The following NKAIN3 variants were observed in gnomAD, a reference collection of about 807,000 sequenced individuals.
NKAIN3 encodes sodium/potassium transporting ATPase interacting 3.
Under a neutral mutation model 30.2 loss-of-function variants are expected in NKAIN3, and 25 were observed. That is an observed-to-expected ratio of 0.83 (90% CI 0.60 to 1.16). The LOEUF (loss-of-function observed/expected upper bound fraction) is 1.16, where lower values mean the gene tolerates loss of function less well. Ranked by LOEUF, NKAIN3 falls within the 50% of genes most tolerant of loss-of-function variation. The probability of loss-of-function intolerance (pLI) is 0.00; values close to 1 mark genes in which losing one functional copy is unlikely to be tolerated. For synonymous variants in NKAIN3, 91 were observed against 89.6 expected, an observed-to-expected ratio of 1.02 and a Z score of -0.09; for missense variants, 225 against 254.1, an observed-to-expected ratio of 0.89 and a Z score of 0.78.
intron 4 of NKAIN3, among the ~76,000 whole-genome samples, chr8:62,851,984 G>A (rs1819915976): frequency 2.0e-5 from 3 of 152,038 alleles, no homozygotes; most frequent in Admixed American, 2.0e-4. Context: ...ATGAGTTAGG[G>A]AGGATTCCCT....
At chr8:62,871,560 A>G (rs1414215724) in intron 4 of NKAIN3, among the ~76,000 whole-genome samples, 6 of 152,246 alleles carry the variant, frequency 3.9e-5, no homozygotes, top group Admixed American at 3.9e-4. Context: ...CATGCTATAC[A>G]TTAGGTCTCC....
At chr8:62,836,387 G>C (rs937565933) in intron 4 of NKAIN3, among the ~76,000 whole-genome samples, 20 of 151,964 alleles carry the variant, frequency 1.3e-4, no homozygotes, top group Non-Finnish European at 2.8e-4. Context: ...AAATGTTTTA[G>C]TATAACATAC....
intron 6 of NKAIN3, among the ~76,000 whole-genome samples, chr8:62,962,356 A>C (rs1298702775): frequency 1.3e-5 from 2 of 152,234 alleles, no homozygotes; most frequent in African/African-American, 4.8e-5. Flanking sequence ...TATAAGGCAT[A>C]ATTTCAACAA....
intron 4 of NKAIN3, among the ~76,000 whole-genome samples, chr8:62,882,836 C>T (rs1255434119): frequency 6.6e-6 from 1 of 152,048 alleles, no homozygotes; most frequent in Non-Finnish European, 1.5e-5. Context: ...ACCTTTGCTC[C>T]TTTATCAAAG....
intron 3 of NKAIN3, among the ~76,000 whole-genome samples, chr8:62,677,995 A>G (rs146354012): frequency 1.3e-5 from 2 of 152,214 alleles, no homozygotes; most frequent in African/African-American, 4.8e-5. Flanking sequence ...ACCAAGATTC[A>G]AATTCAGTGA....
chr8:62,859,820 G>A (rs938974019), intron 4 of NKAIN3, among the ~76,000 whole-genome samples: 52 of 152,260 alleles, frequency 3.4e-4, no homozygotes, highest in African/African-American at 1.2e-3. Flanking sequence ...AGTGGTCATA[G>A]ATATTGCTTC....
intron 1 of NKAIN3, among the ~76,000 whole-genome samples, chr8:62,548,030 A>G (rs1175678408): frequency 6.6e-6 from 1 of 152,072 alleles, no homozygotes; most frequent in Non-Finnish European, 1.5e-5. Context: ...AAATCTTGTA[A>G]TTCTAGCTGA....
At chr8:62,257,664 T>G (rs946531140) in intron 1 of NKAIN3, among the ~76,000 whole-genome samples, 1 of 152,214 alleles carries the variant, frequency 6.6e-6, no homozygotes, top group Admixed American at 6.5e-5. Flanking sequence ...AGATTTCTAT[T>G]TCATGAACAA....
At position 62,345,502 on chromosome 8, in the gene NKAIN3, T is replaced by TGTATATATAC. The variant is rs1563942779; in HGVS notation, c.54+96375_54+96376insGTATATATAC. Among the ~76,000 whole-genome samples, 27 of 20,692 alleles carry TGTATATATAC rather than the reference T, an allele frequency of 1.3e-3. 3 individuals are homozygous for TGTATATATAC. The highest frequency in any genetic ancestry group is 9.3e-3 in the South Asian group (4 of 432). 13.6% of individuals were successfully genotyped at this position (20,692 alleles called of 152,430 possible). A position where few individuals can be genotyped will look rare whatever the true frequency, so the allele number is the denominator to read the frequency against. ...ATATATGTATATATACACACATATA[T>TGTATATATAC]ACACATATATACACATATATGTATA... On this transcript the variant is annotated intron_variant, in intron 1 of 6. Transcript: ENST00000623646.
chr8:62,874,543 T>C (rs183726738), intron 4 of NKAIN3, among the ~76,000 whole-genome samples: 81 of 152,296 alleles, frequency 5.3e-4, no homozygotes, highest in African/African-American at 1.9e-3. Context: ...ATATCCCTGA[T>C]GAACATCAAT....
At chr8:62,994,088 C>T (rs191168236) in intron 5 of NKAIN3, among the ~76,000 whole-genome samples, 17 of 152,206 alleles carry the variant, frequency 1.1e-4, no homozygotes, top group Admixed American at 9.8e-4. Flanking sequence ...TAAAGATGCA[C>T]GTACCCTTTG....
chr8:62,819,154 T>TATATATAC (rs1554581359), intron 4 of NKAIN3, among the ~76,000 whole-genome samples: 795 of 32,662 alleles, frequency 0.024, 6 homozygotes, highest in African/African-American at 0.057. Context: ...TATATATACA[T>TATATATAC]ATATATATAT....
intron 4 of NKAIN3, among the ~76,000 whole-genome samples, chr8:62,774,984 G>T (rs10113007): frequency 0.088 from 13,370 of 152,082 alleles, 608 homozygotes; most frequent in Middle Eastern, 0.092. Flanking sequence ...ATTGGTATTT[G>T]TTCTTCTTTA....
chr8:62,548,782 A>G (rs952256472), intron 1 of NKAIN3, among the ~76,000 whole-genome samples: 4 of 150,712 alleles, frequency 2.7e-5, no homozygotes, highest in African/African-American at 9.7e-5. Flanking sequence ...ATAATAGTAT[A>G]TATATACAAT....
chr8:62,888,537 T>C (rs1821212957), intron 4 of NKAIN3, among the ~76,000 whole-genome samples: 1 of 152,184 alleles, frequency 6.6e-6, no homozygotes, highest in African/African-American at 2.4e-5. Context: ...ATATCTCCAA[T>C]TTTGGGAGCA....
intron 3 of NKAIN3, among the ~76,000 whole-genome samples, chr8:62,613,699 A>G (rs1811359953): frequency 6.6e-6 from 1 of 151,702 alleles, no homozygotes; most frequent in Non-Finnish European, 1.5e-5. Flanking sequence ...GGCATGTTTT[A>G]TTGTTTTTTA....
At chr8:62,280,876 AT>A (rs58422149) in intron 1 of NKAIN3, among the ~76,000 whole-genome samples, 2,238 of 152,256 alleles carry the variant, frequency 0.015, 47 homozygotes, top group African/African-American at 0.049. Context: ...TATCAGGATG[AT>A]GCTGGCCTCA....
At chr8:62,931,186 A>G (rs917002426) in intron 5 of NKAIN3, among the ~76,000 whole-genome samples, 1 of 152,232 alleles carries the variant, frequency 6.6e-6, no homozygotes, top group Non-Finnish European at 1.5e-5. Context: ...AAGCTAATCC[A>G]GCAAATCTAA....
intron 3 of NKAIN3, among the ~76,000 whole-genome samples, chr8:62,694,234 C>A (rs1378859948): frequency 6.6e-6 from 1 of 152,108 alleles, no homozygotes; most frequent in Non-Finnish European, 1.5e-5. Flanking sequence ...CATTCATTCT[C>A]CCCACTACCC....
Sources: allele counts gnomAD v4.1 joint callset (sites outside exome capture counted in the v4.1 genomes callset), GRCh38; gene constraint gnomAD v4.1.1; transcripts MANE v1.5; gene names NCBI Gene and HGNC (gene_info 2026-07-23, HGNC 2026-07-21).